ADAMTSL4: variants seen among roughly 807,000 people sequenced by gnomAD.
The protein encoded by ADAMTSL4 is ADAMTS-like protein 4.
ADAMTSL4 carries 97 observed loss-of-function variants against 122.8 expected under a neutral mutation model. The observed-to-expected ratio is 0.79, with a 90% CI of 0.67 to 0.93. The LOEUF is 0.93. Among genes scored for constraint, ADAMTSL4 ranks in the 40% least tolerant of loss-of-function variants. ADAMTSL4 has a pLI of 0.00. For synonymous variants in ADAMTSL4, 592 were observed against 568.0 expected (o/e 1.04, Z -0.60); for missense variants, 1,408 against 1,453.5 (o/e 0.97, Z 0.51).
Position 150,557,300 on chromosome 1 carries a change from T to C in ADAMTSL4, c.2012T>C (p.Val671Ala), listed in dbSNP as rs1214671728. The change falls in exon 12 of 19, where the codon GTG (valine) becomes GCG (alanine). Residue 671 changes from valine (V) to alanine (A), a missense_variant. Transcript: ENST00000271643. Reference sequence around the variant, plus strand: ...TCTCCAGCTGCGTACTGGAAACGAGTGGGACACTCTGCATGCTCAGCGTCC... The same window carrying C: ...TCTCCAGCTGCGTACTGGAAACGAGCGGGACACTCTGCATGCTCAGCGTCC... The part of the protein sequence containing the change: ...LGSPAAYWKR[V>A]GHSACSASCG... 7 of 1,611,876 alleles carry C rather than the reference T, an allele frequency of 4.3e-6. No homozygotes were observed. The highest frequency in any genetic ancestry group is 2.7e-5 in the African/African-American group (2 of 74,752).
At chr1:150,553,352 G>A in intron 5 of ADAMTSL4, 74 bp from the exon 6 acceptor site, 6 of 1,606,024 alleles carry the variant, frequency 3.7e-6, no homozygotes, top group East Asian at 2.2e-5. Context: ...TGTCTTTGGT[G>A]CCAGGAAGTA....
rs6681639 is a variant in ADAMTSL4 at position 150,553,930 on chromosome 1, C to G, written c.939C>G (p.Gly313=). Residue 313 remains glycine (G), a synonymous_variant, in exon 6 of 19, where the codon GGC becomes GGG. Transcript: ENST00000271643. ...TCCCTCGGGGCCGAGGCCAGCAGGG[C>G]CAAGGGCCTTGGGGAACGGGGGGGA... ...PSVPRGRGQQ[G]QGPWGTGGTP... is the part of the protein sequence containing the mutation. 290 of 1,609,866 alleles carry G rather than the reference C, an allele frequency of 1.8e-4. 2 individuals carry two copies. In the African/African-American group the frequency reaches 3.8e-3, roughly 21 times the overall value.
chr1:150,552,950 A>G lies in ADAMTSL4; in HGVS notation c.131A>G (p.Glu44Gly), dbSNP rs746529379. The stretch of plus-strand genomic sequence containing the variant: ...CCTACAGAGGAGGGCCAGGGCCCCG[A>G]AGGTGTCTGGGGACCTTGGGTCCAG... ...QTPTEEGQGP[E>G]GVWGPWVQWA... Residue 44 changes from glutamate to glycine, a missense_variant, in exon 5 of 19, where the codon GAA (glutamate) becomes GGA (glycine). Glu to Gly is a moderately conservative substitution (Grantham distance 98). Transcript: ENST00000271643. This position sits in a 1 kb window ranked among gnomAD's most constrained non-coding sequence, Gnocchi z 4.0. The G allele has an allele frequency of 1.9e-6, 3 of 1,613,012 alleles. No individual in the cohort carries two copies. Among genetic ancestry groups the G allele is most frequent in the Non-Finnish European group, 2.5e-6 (3 of 1,179,940 alleles).
rs776577795 is a variant in ADAMTSL4 at position 150,558,607 on chromosome 1, G to GC, written c.2520dup (p.Cys841LeufsTer59). 31 of 1,613,752 alleles carry GC rather than the reference G, an allele frequency of 1.9e-5. No homozygotes were observed. The highest frequency in any genetic ancestry group is 2.5e-5 in the Non-Finnish European group (30 of 1,179,942). On this transcript the variant is annotated frameshift_variant, in exon 15 of 19. Transcript: ENST00000271643. LOFTEE classifies it high-confidence loss of function. Reference sequence around the variant, plus strand: ...CCAGCAGAGAGGCCTGTGACATGGGGCCCTGTACTACTGCCTGGTTCCACA... The same window carrying GC: ...CCAGCAGAGAGGCCTGTGACATGGGGCCCCTGTACTACTGCCTGGTTCCACA...
Position 150,552,813 on chromosome 1 carries a change from G to T in ADAMTSL4, c.79-85G>T. The T allele has an allele frequency of 7.0e-7, 1 of 1,436,868 alleles. No homozygotes were observed. The highest frequency in any genetic ancestry group is 9.7e-7 in the Non-Finnish European group (1 of 1,028,052). The allele number at this position is 1,436,868 out of a possible 1,614,324, so 89.0% of individuals were successfully genotyped here. On this transcript the variant is annotated intron_variant, in intron 4 of 18. Coordinates refer to ENST00000271643, the MANE Select transcript of ADAMTSL4 (RefSeq NM_019032.6). This position sits in a 1 kb window ranked among gnomAD's most constrained non-coding sequence, Gnocchi z 4.0. ...GTGACCTTGGACTGGTAGCGACTCC[G>T]TGAGCCTCAGTGTTGGTCTACATGG...
chr1:150,558,851 T>C, intron 15 of ADAMTSL4, 111 bp from the exon 16 acceptor site: 1 of 1,538,134 alleles, frequency 6.5e-7, no homozygotes, highest in Non-Finnish European at 8.7e-7. Flanking sequence ...CCCGGGGACA[T>C]TCCCAACCAC....
In ADAMTSL4 at chr1:150,559,741, G is replaced by A. The variant is rs1439298135; in HGVS notation, c.2944-20G>A. 15 of 1,613,808 alleles carry A rather than the reference G, an allele frequency of 9.3e-6. No homozygotes were observed. Among genetic ancestry groups the A allele is most frequent in the Non-Finnish European group, 1.2e-5 (14 of 1,179,992 alleles). On this transcript the variant is annotated intron_variant, in intron 17 of 18. Transcript: ENST00000271643. This position sits in a 1 kb window ranked among gnomAD's most constrained non-coding sequence, Gnocchi z 4.1. ...CCCGGGCCTGGCAAAGGTCTGATAT[G>A]ATGGCTGGGGTCGCCCCAGTGTTCT... is the stretch of plus-strand genomic sequence containing the variant.
intron 8 of ADAMTSL4, among the ~76,000 whole-genome samples, 187 bp downstream of exon 8, chr1:150,555,752 C>CACACATGCACATGCATATGCAG (rs1672012431): frequency 6.6e-6 from 1 of 152,034 alleles, no homozygotes; most frequent in Non-Finnish European, 1.5e-5. Context: ...CGCATATGCA[C>CACACATGCACATGCATATGCAG]ACACATGCAC....
rs757425127 is a variant in ADAMTSL4 at position 150,556,605 on chromosome 1, C to T, written c.1577-16C>T. On this transcript the variant is annotated splice_polypyrimidine_tract_variant and intron_variant, in intron 9 of 18. Coordinates refer to ENST00000271643, the MANE Select transcript of ADAMTSL4 (RefSeq NM_019032.6). The surrounding 1 kb of genome is among the most constrained non-coding windows in gnomAD (Gnocchi z 4.1). ...ATCACCCTGGAATTTCCCGATCTCT[C>T]ACCTCTGACCCGCAGCACTTCGTGG... The T allele has an allele frequency of 2.5e-6, 4 of 1,613,872 alleles. No homozygotes were observed. Among genetic ancestry groups the T allele is most frequent in the African/African-American group, 2.7e-5 (2 of 74,910 alleles).
chr1:150,551,174 G>A (rs2101540059), intron 2 of ADAMTSL4: 1 of 362,648 alleles, frequency 2.8e-6, no homozygotes, highest in African/African-American at 2.1e-5. Flanking sequence ...AGAATGAGAG[G>A]CCTGTGGCTG....
At position 150,559,380 on chromosome 1, in the gene ADAMTSL4, T is replaced by A; in HGVS notation, c.2857T>A (p.Cys953Ser). The A allele has an allele frequency of 1.2e-6, 2 of 1,613,856 alleles. No individual in the cohort carries two copies. Among genetic ancestry groups the A allele is most frequent in the Non-Finnish European group, 1.7e-6 (2 of 1,180,010 alleles). ...GTTCAACGTGACTTCTCCGAGCAAC[T>A]GTTCTCACCTCCCCAGGCCCCCTGC... ...TEFNVTSPSNCSHLPRPPALQ... is the reference protein window; with the variant it reads ...TEFNVTSPSNSSHLPRPPALQ... Residue 953 changes from cysteine (C) to serine (S), a missense_variant, in exon 17 of 19, where the codon TGT becomes AGT. Physicochemically the swap from Cys to Ser is moderately radical, Grantham distance 112. Transcript: ENST00000271643. This position sits in a 1 kb window ranked among gnomAD's most constrained non-coding sequence, Gnocchi z 4.1.
At position 150,556,592 on chromosome 1, in the gene ADAMTSL4, T is replaced by C. The variant is rs767588850; in HGVS notation, c.1577-29T>C. 1.2e-6 allele frequency: 2 copies of C among 1,613,790 alleles called. No homozygotes were observed. Among genetic ancestry groups the C allele is most frequent in the Non-Finnish European group, 1.7e-6 (2 of 1,179,938 alleles). On this transcript the variant is annotated intron_variant, in intron 9 of 18. Transcript: ENST00000271643. This position sits in a 1 kb window ranked among gnomAD's most constrained non-coding sequence, Gnocchi z 4.1. The stretch of plus-strand genomic sequence containing the variant: ...GGAGGAAGGTATTATCACCCTGGAA[T>C]TTCCCGATCTCTCACCTCTGACCCG...
intron 15 of ADAMTSL4, 129 bp downstream of exon 15, chr1:150,558,778 C>G: frequency 6.4e-7 from 1 of 1,562,060 alleles, no homozygotes; most frequent in Non-Finnish European, 8.6e-7. Flanking sequence ...CCTGGGAACT[C>G]AGAGATAAGT....
At position 150,558,548 on chromosome 1, in the gene ADAMTSL4, G is replaced by A. The variant is rs587666522; in HGVS notation, c.2458G>A (p.Glu820Lys). 3.4e-5 allele frequency: 55 copies of A among 1,613,870 alleles called. No individual in the cohort carries two copies. The highest frequency in any genetic ancestry group is 1.6e-4 in the South Asian group (15 of 91,080). Residue 820 changes from glutamate (E) to lysine (K), a missense_variant, in exon 15 of 19, where the codon GAG becomes AAG. Glu to Lys is a moderately conservative substitution (Grantham distance 56). Coordinates refer to ENST00000271643, the MANE Select transcript of ADAMTSL4 (RefSeq NM_019032.6). ...TGGGAACAATGGTGATGAAGTGAGC[G>A]AGCAGGAGTGTGCGTCAGGCCCCCC... ...CVGNNGDEVS[E>K]QECASGPPQP...
In ADAMTSL4 at chr1:150,558,141, TG is replaced by T. The variant is rs769009042; in HGVS notation, c.2376del (p.Trp792Ter). On this transcript the variant is annotated frameshift_variant, in exon 14 of 19. Transcript: ENST00000271643. LOFTEE classifies it high-confidence loss of function. ...TGGCCATTGGGAAGTTGGCTCTCCTTGGAGCCAGGTGAGTTTGCCCAGGCAA... is the reference window on the plus strand; with the variant it reads ...TGGCCATTGGGAAGTTGGCTCTCCTTGAGCCAGGTGAGTTTGCCCAGGCAA... ...LCGHWEVGSPWSQCSVRCGRG... is the reference protein window; with the variant it reads ...LCGHWEVGSPXSQCSVRCGRG... 6.2e-7 allele frequency: 1 copy of T among 1,613,426 alleles called. No individual in the cohort carries two copies. The highest frequency in any genetic ancestry group is 8.5e-7 in the Non-Finnish European group (1 of 1,180,026).
chr1:150,550,756 G>C, intron 2 of ADAMTSL4: 1 of 456,360 alleles, frequency 2.2e-6, no homozygotes, highest in South Asian at 1.5e-5. Flanking sequence ...AGTGGCCATC[G>C]GCAACCCCCA....
In ADAMTSL4 at chr1:150,555,646, C is replaced by CACAT; in HGVS notation, c.1371+83_1371+86dup. 6 of 1,575,910 alleles carry CACAT rather than the reference C, an allele frequency of 3.8e-6. No homozygotes were observed. The South Asian group carries it at 6.8e-5, about 18-fold the overall frequency. Reference sequence around the variant, plus strand: ...GCCCCCATATGCATACACATGTACACACATATGTATGAACACATGCACACA... The same window carrying CACAT: ...GCCCCCATATGCATACACATGTACACACATACATATGTATGAACACATGCACACA... On this transcript the variant is annotated intron_variant, in intron 8 of 18. Transcript: ENST00000271643.
Position 150,556,075 on chromosome 1 carries a change from A to G in ADAMTSL4, c.1372-87A>G. The stretch of plus-strand genomic sequence containing the variant: ...TCACTTGTGGCACAAAAAGCAGGGT[A>G]GTGAGCTGAGGCTCCCGAGGGGACC... On this transcript the variant is annotated intron_variant, in intron 8 of 18. Transcript: ENST00000271643. The surrounding 1 kb of genome is among the most constrained non-coding windows in gnomAD (Gnocchi z 4.1). The G allele has an allele frequency of 1.4e-6, 2 of 1,421,336 alleles. No homozygotes were observed. Among genetic ancestry groups the G allele is most frequent in the Non-Finnish European group, 9.8e-7 (1 of 1,016,624 alleles). The allele number at this position is 1,421,336 out of a possible 1,614,324, so 88.0% of individuals were successfully genotyped here.
Position 150,560,195 on chromosome 1 carries a change from G to A in ADAMTSL4, c.3224G>A (p.Ter1075=). ...GAGCGGTCTCCCCAGGATCCCTCCT[G>A]AAAGGGGTCCGGGGCACCTTCACGG... The part of the protein sequence containing the change: ...VLERSPQDPS[*] The change falls in exon 19 of 19, where the codon TGA becomes TAA. Residue 1075 remains the stop codon, a stop_retained_variant. Coordinates refer to ENST00000271643, the MANE Select transcript of ADAMTSL4 (RefSeq NM_019032.6). 6.2e-7 allele frequency: 1 copy of A among 1,613,984 alleles called. No homozygotes were observed. The highest frequency in any genetic ancestry group is 8.5e-7 in the Non-Finnish European group (1 of 1,179,978).
Sources: gnomAD v4.1 joint callset for allele counts (sites outside exome capture counted in the v4.1 genomes callset) on GRCh38, gnomAD v4.1.1 for gene constraint, Gnocchi (gnomAD v3.1) non-coding constraint, MANE v1.5 for transcripts, NCBI Gene and HGNC (gene_info 2026-07-23, HGNC 2026-07-21) for gene names.